The following ZEB2 variants were observed in gnomAD, a reference collection of about 807,000 sequenced individuals.
ZEB2 encodes the protein zinc finger E-box-binding homeobox 2.
In ZEB2, 6 loss-of-function variants were observed where a neutral mutation model predicts 99.9. The ratio of observed to expected loss-of-function variants is 0.06; its 90% confidence interval spans 0.03 to 0.12. ZEB2 has a LOEUF of 0.12. Ranked by LOEUF, ZEB2 falls within the 10% of genes least tolerant of loss-of-function variation. The pLI, the probability that ZEB2 is intolerant of heterozygous loss-of-function variation, is 1.00. For missense variants in ZEB2, 969 were observed against 1,502.8 expected, an observed-to-expected ratio of 0.64 and a Z score of 5.87; for synonymous variants, 517 against 542.5, an observed-to-expected ratio of 0.95 and a Z score of 0.65.
chr2:144,497,492 T>C (rs1704778944), intron 2 of ZEB2, among the ~76,000 whole-genome samples: 1 of 152,214 alleles, frequency 6.6e-6, no homozygotes, highest in Non-Finnish European at 1.5e-5. Flanking sequence ...TTTCAATTAT[T>C]GTACAATGAG....
At chr2:144,402,269 A>G (rs985137212) in intron 6 of ZEB2, among the ~76,000 whole-genome samples, 6 of 152,146 alleles carry the variant, frequency 3.9e-5, no homozygotes, top group African/African-American at 1.4e-4. Context: ...TCTAGCAGCA[A>G]TGACACAAAA....
intron 2 of ZEB2, among the ~76,000 whole-genome samples, chr2:144,482,828 A>T (rs1704533963): frequency 6.6e-6 from 1 of 151,066 alleles, no homozygotes; most frequent in African/African-American, 2.4e-5. Flanking sequence ...TTATTTTTCC[A>T]GAAACCTCTA....
At chr2:144,518,325 G>T (rs1026981793) in intron 1 of ZEB2, 1 of 152,112 alleles carries the variant, frequency 6.6e-6, no homozygotes, top group Non-Finnish European at 1.5e-5. Flanking sequence ...CATTTTTTCA[G>T]TTGAAACTGT....
rs1170767112 is a variant in ZEB2 at position 144,386,810 on chromosome 2, T to C, written c.*2641A>G. ...CAGAAAAATTTATGTAGTGTATTTA[T>C]TTGTGCCATTCAAAGAAGGAGAAAC... is the stretch of plus-strand genomic sequence containing the variant. On this transcript the variant is annotated 3_prime_UTR_variant, in exon 10 of 10. Coordinates refer to ENST00000627532, the MANE Select transcript of ZEB2 (RefSeq NM_014795.4). 1 of 151,984 alleles carries C rather than the reference T, an allele frequency of 6.6e-6. No individual in the cohort carries two copies. Among genetic ancestry groups the C allele is most frequent in the Non-Finnish European group, 1.5e-5 (1 of 67,996 alleles). The allele number at this position is 151,984 out of a possible 1,614,324, so 9.4% of individuals were successfully genotyped here.
At chr2:144,464,244 C>A (rs1704240595) in intron 2 of ZEB2, 1 of 152,158 alleles carries the variant, frequency 6.6e-6, no homozygotes, top group Non-Finnish European at 1.5e-5. Context: ...AAATTTCAGA[C>A]ACTTATATCC....
At chr2:144,443,011 T>C (rs2149896733) in intron 2 of ZEB2, among the ~76,000 whole-genome samples, 1 of 152,298 alleles carries the variant, frequency 6.6e-6, no homozygotes. Context: ...TGACACTTTC[T>C]GAAATGTTAA....
chr2:144,404,186 G>A, intron 5 of ZEB2, 56 bp from the exon 6 acceptor site: 1 of 1,585,212 alleles, frequency 6.3e-7, no homozygotes, highest in Non-Finnish European at 8.6e-7. Context: ...GTAAATCAAT[G>A]GCAGCTAATG....
chr2:144,519,485 TGACCAA>T (rs1190439213), intron 1 of ZEB2: 1 of 157,636 alleles, frequency 6.3e-6, no homozygotes, highest in African/African-American at 2.4e-5. Context: ...GGTCTGTAAC[TGACCAA>T]GTTTTGTAAT....
In ZEB2 at chr2:144,398,570, T is replaced by C. The variant is rs1703262103; in HGVS notation, c.2617A>G (p.Asn873Asp). 2.5e-6 allele frequency: 4 copies of C among 1,614,096 alleles called. No individual in the cohort carries two copies. Residue 873 changes from asparagine (N) to aspartate (D), a missense_variant, in exon 8 of 10, where the codon AAT (asparagine) becomes GAT (aspartate). By Grantham distance (23) the Asn-to-Asp change is conservative (BLOSUM62 1). This residue lies in a region of ZEB2 where 346 missense variants were observed against 460.0 expected (regional missense o/e 0.75). Transcript: ENST00000627532. ...TFIKKEFSNS[N>D]NLDNKSTNPV... ...TTAGTGCTTTTGTTGTCCAGATTAT[T>C]TGAATTTGAAAATTCCTTCTTGATA... is the stretch of plus-strand genomic sequence containing the variant.
At chr2:144,443,747 C>G (rs1703947884) in intron 2 of ZEB2, among the ~76,000 whole-genome samples, 2 of 152,088 alleles carry the variant, frequency 1.3e-5, no homozygotes. Context: ...TCACTTTTCG[C>G]TCCCCACCAA....
At chr2:144,439,145 A>C (rs547818968) in intron 2 of ZEB2, among the ~76,000 whole-genome samples, 137 of 152,052 alleles carry the variant, frequency 9.0e-4, no homozygotes, top group African/African-American at 3.1e-3. Flanking sequence ...AAAAAAAAAA[A>C]AAAAAAAAAC....
At chr2:144,411,334 G>A (rs1004501253) in intron 4 of ZEB2, among the ~76,000 whole-genome samples, 10 of 151,714 alleles carry the variant, frequency 6.6e-5, no homozygotes, top group African/African-American at 1.9e-4. Flanking sequence ...AAGAAAACAC[G>A]AAAATTATTT....
At chr2:144,469,233 C>T (rs1208668411) in intron 2 of ZEB2, among the ~76,000 whole-genome samples, 2 of 152,122 alleles carry the variant, frequency 1.3e-5, no homozygotes, top group Non-Finnish European at 2.9e-5. Context: ...TTTTTCTATA[C>T]AGAAGTACAC....
In ZEB2 at chr2:144,510,143, AT is replaced by A. The variant is rs143786993; in HGVS notation, c.73+7134del. Among the ~76,000 whole-genome samples the A allele has an allele frequency of 2.1e-4, 32 of 150,952 alleles. No homozygotes were observed. In the South Asian group the frequency reaches 2.5e-3, roughly 12 times the overall value. ...TTCCCCCTAAAATTCTTTTCAGAGA[AT>A]TTTTTTTTTCCTTTTTGGCTCATTT... On this transcript the variant is annotated intron_variant, in intron 2 of 9. Transcript: ENST00000627532.
intron 4 of ZEB2, among the ~76,000 whole-genome samples, chr2:144,413,439 A>G (rs752945866): frequency 6.6e-5 from 10 of 152,338 alleles, no homozygotes; most frequent in Admixed American, 3.3e-4. Flanking sequence ...GGAAGTGAAC[A>G]GGCTCTTCTT....
intron 9 of ZEB2, chr2:144,390,698 TA>T: frequency 6.4e-6 from 1 of 155,262 alleles, no homozygotes; most frequent in Non-Finnish European, 1.4e-5. Context: ...GTTTTCCCTC[TA>T]AAGTTTTCCA....
rs730881200 is a variant in ZEB2 at position 144,398,480 on chromosome 2, C to T, written c.2707G>A (p.Ala903Thr). The T allele has an allele frequency of 4.3e-6, 7 of 1,613,970 alleles. No homozygotes were observed. Among genetic ancestry groups the T allele is most frequent in the East Asian group, 2.2e-5 (1 of 44,880 alleles). The change falls in exon 8 of 10, where the codon GCA (alanine) becomes ACA (threonine). Residue 903 changes from alanine to threonine, a missense_variant. Ala to Thr is a moderately conservative substitution (Grantham distance 58, BLOSUM62 0). This residue lies in a region of ZEB2 where 346 missense variants were observed against 460.0 expected (regional missense o/e 0.75). Coordinates refer to ENST00000627532, the MANE Select transcript of ZEB2 (RefSeq NM_014795.4). ...PLYTALPPQSAFPPATFMPPV... is the reference protein window; with the variant it reads ...PLYTALPPQSTFPPATFMPPV... ...GGCATGAAAGTAGCAGGGGGAAATG[C>T]GCTTTGAGGTGGAAGAGCTGTGTAT...
At chr2:144,422,871 G>A (rs781218903) in intron 4 of ZEB2, among the ~76,000 whole-genome samples, 2 of 152,044 alleles carry the variant, frequency 1.3e-5, no homozygotes, top group South Asian at 4.1e-4. Context: ...ATTTGTTGCA[G>A]GTTTATCACA....
chr2:144,442,817 T>C (rs953430091), intron 2 of ZEB2, among the ~76,000 whole-genome samples: 24 of 152,292 alleles, frequency 1.6e-4, no homozygotes, highest in African/African-American at 5.8e-4. Flanking sequence ...AGTTTAAGTT[T>C]TTTTAAAAAA....
Sources: gnomAD v4.1 joint callset for allele counts (sites outside exome capture counted in the v4.1 genomes callset) on GRCh38, gnomAD v4.1.1 for gene constraint, gnomAD v4.1.1 regional missense constraint, MANE v1.5 for transcripts, NCBI Gene and HGNC (gene_info 2026-07-23, HGNC 2026-07-21) for gene names.